ZNF791: variants seen among roughly 807,000 people sequenced by gnomAD.
ZNF791 encodes zinc finger protein 791.
Under a neutral mutation model 11.5 loss-of-function variants are expected in ZNF791, and 4 were observed. That is an observed-to-expected ratio of 0.35 (90% CI 0.17 to 0.80). ZNF791 has a LOEUF of 0.80. Ranked by LOEUF, ZNF791 falls within the 30% of genes least tolerant of loss-of-function variation. The pLI, the probability that ZNF791 is intolerant of heterozygous loss-of-function variation, is 0.53. For missense variants in ZNF791, 559 were observed against 699.4 expected (o/e 0.80, Z 2.26); for synonymous variants, 212 against 228.1 (o/e 0.93, Z 0.64).
chr19:12,617,317 G>A (rs1476169950), intron 1 of ZNF791, among the ~76,000 whole-genome samples: 2 of 151,618 alleles, frequency 1.3e-5, no homozygotes, highest in East Asian at 1.9e-4. Context: ...GTAGAGATGG[G>A]GTTTCACCAT....
At chr19:12,612,243 T>A in intron 1 of ZNF791, 1 of 569,892 alleles carries the variant, frequency 1.8e-6, no homozygotes, top group Non-Finnish European at 2.2e-6. Flanking sequence ...CTGGCTGTGT[T>A]GCTCAGGCTG....
At position 12,628,453 on chromosome 19, in the gene ZNF791, C is replaced by T. The variant is rs2023459423; in HGVS notation, c.924C>T (p.Ala308=). The T allele has an allele frequency of 6.2e-7, 1 of 1,612,032 alleles. No homozygotes were observed. The highest frequency in any genetic ancestry group is 8.5e-7 in the Non-Finnish European group (1 of 1,178,996). ...KPYKCKQCGK[A]FRCSTSIQIH... is the part of the protein sequence containing the mutation. ...ATAAATGTAAACAATGTGGTAAAGCCTTCAGATGTTCCACCTCCATTCAAA... is the reference window on the plus strand; with the variant it reads ...ATAAATGTAAACAATGTGGTAAAGCTTTCAGATGTTCCACCTCCATTCAAA... The change falls in exon 4 of 4, where the codon GCC becomes GCT. Residue 308 remains alanine (A), a synonymous_variant. Transcript: ENST00000343325.
chr19:12,630,762 T>C lies in ZNF791; in HGVS notation c.*1502T>C, dbSNP rs2023493546. ...CACTAATGTGTGTTTGTGTCTTAGT[T>C]AGTCTTTAACAAAAATAGTTTAAAA... is the stretch of plus-strand genomic sequence containing the variant. On this transcript the variant is annotated 3_prime_UTR_variant, in exon 4 of 4. Coordinates refer to ENST00000343325, the MANE Select transcript of ZNF791 (RefSeq NM_153358.3). 6.6e-6 allele frequency: 1 copy of C among 152,190 alleles called. No individual in the cohort carries two copies. The highest frequency in any genetic ancestry group is 2.1e-4 in the South Asian group (1 of 4,832). 9.4% of individuals were successfully genotyped at this position (152,190 alleles called of 1,614,324 possible). A position where few individuals can be genotyped will look rare whatever the true frequency, so the allele number is the denominator to read the frequency against.
chr19:12,615,760 C>T (rs2023237087), intron 1 of ZNF791, among the ~76,000 whole-genome samples: 2 of 118,332 alleles, frequency 1.7e-5, no homozygotes, highest in Middle Eastern at 6.3e-3. Context: ...GCCTGGGCAA[C>T]AAGAGCAAGA....
In ZNF791 at chr19:12,610,936, A is replaced by T; in HGVS notation, c.-144A>T. 8.7e-7 allele frequency: 1 copy of T among 1,154,728 alleles called. No homozygotes were observed. The highest frequency in any genetic ancestry group is 1.3e-6 in the Non-Finnish European group (1 of 775,330). The allele number at this position is 1,154,728 out of a possible 1,614,324, so 71.5% of individuals were successfully genotyped here. On this transcript the variant is annotated 5_prime_UTR_variant, in exon 1 of 4. Transcript: ENST00000343325. ...ACGCTGCGCAAATGCGTGCTACGTC[A>T]CTGTGCGATCGGGTTGTGCTTAGCT... is the stretch of plus-strand genomic sequence containing the variant.
At position 12,630,677 on chromosome 19, in the gene ZNF791, G is replaced by A. The variant is rs757250037; in HGVS notation, c.*1417G>A. Reference sequence around the variant, plus strand: ...GGACTGCCCCTGAACGTATTCTGGCGGGACAAAACATGGAGGCAGAAGACA... The same window carrying A: ...GGACTGCCCCTGAACGTATTCTGGCAGGACAAAACATGGAGGCAGAAGACA... On this transcript the variant is annotated 3_prime_UTR_variant, in exon 4 of 4. Coordinates refer to ENST00000343325, the MANE Select transcript of ZNF791 (RefSeq NM_153358.3). 2.6e-5 allele frequency: 4 copies of A among 152,034 alleles called. No homozygotes were observed. Among genetic ancestry groups the A allele is most frequent in the East Asian group, 1.9e-4 (1 of 5,182 alleles). 9.4% of individuals were successfully genotyped at this position (152,034 alleles called of 1,614,324 possible).
At chr19:12,619,383 G>C (rs576968497) in intron 1 of ZNF791, among the ~76,000 whole-genome samples, 7 of 150,714 alleles carry the variant, frequency 4.6e-5, no homozygotes, top group African/African-American at 1.7e-4. Context: ...GTGGTGGAGT[G>C]TATCAGTTGA....
intron 2 of ZNF791, 29 bp from the exon 3 acceptor site, chr19:12,624,621 A>T (rs753549412): frequency 3.3e-6 from 5 of 1,518,532 alleles, no homozygotes; most frequent in Non-Finnish European, 4.5e-6. Context: ...TTAATAATTT[A>T]TCATGATTAT....
In ZNF791 at chr19:12,611,036, C is replaced by T; in HGVS notation, c.-44C>T. 2 of 1,614,050 alleles carry T rather than the reference C, an allele frequency of 1.2e-6. No homozygotes were observed. The highest frequency in any genetic ancestry group is 1.1e-5 in the South Asian group (1 of 91,084). ...GATGCGCTGTACCCTGCGCTGGCTC[C>T]GTGAACCTTAGGGACAACACCGGGA... On this transcript the variant is annotated 5_prime_UTR_variant, in exon 1 of 4. Transcript: ENST00000343325.
chr19:12,622,450 C>G (rs1599324722), intron 1 of ZNF791, among the ~76,000 whole-genome samples: 1 of 130,550 alleles, frequency 7.7e-6, no homozygotes, highest in Non-Finnish European at 1.6e-5. Context: ...CTCATTTAAT[C>G]CCATATCTTA....
At chr19:12,612,457 T>A (rs1240978083) in intron 1 of ZNF791, 1 of 150,764 alleles carries the variant, frequency 6.6e-6, no homozygotes, top group Admixed American at 6.6e-5. Flanking sequence ...TTACTTTTTT[T>A]TTTGAGACGG....
chr19:12,613,392 T>C (rs1014434813), intron 1 of ZNF791, among the ~76,000 whole-genome samples: 9 of 151,840 alleles, frequency 5.9e-5, no homozygotes, highest in East Asian at 4.0e-4. Flanking sequence ...CCATCCTGGC[T>C]AACATTGTGA....
chr19:12,625,052 A>T (rs533927025), intron 3 of ZNF791, among the ~76,000 whole-genome samples: 2 of 152,076 alleles, frequency 1.3e-5, no homozygotes, highest in African/African-American at 4.8e-5. Flanking sequence ...TCTGTCTCAA[A>T]AAAAAAAAGA....
intron 1 of ZNF791, among the ~76,000 whole-genome samples, chr19:12,618,695 G>A (rs1343792891): frequency 6.6e-6 from 1 of 151,232 alleles, no homozygotes; most frequent in South Asian, 2.1e-4. Flanking sequence ...CCCGGGAGGC[G>A]GAGGCTGCAG....
intron 1 of ZNF791, among the ~76,000 whole-genome samples, chr19:12,620,827 C>T (rs1028407068): frequency 1.5e-5 from 2 of 131,364 alleles, no homozygotes; most frequent in African/African-American, 5.8e-5. Flanking sequence ...GTGGTGCGAT[C>T]TTGGCTCACT....
At chr19:12,622,867 C>T (rs1015944145) in intron 1 of ZNF791, among the ~76,000 whole-genome samples, 4 of 141,822 alleles carry the variant, frequency 2.8e-5, no homozygotes, top group Non-Finnish European at 6.0e-5. Flanking sequence ...GCACTCCTGC[C>T]TGGGTTACAG....
At chr19:12,624,061 G>C (rs1242705895) in intron 2 of ZNF791, among the ~76,000 whole-genome samples, 1 of 150,654 alleles carries the variant, frequency 6.6e-6, no homozygotes, top group African/African-American at 2.4e-5. Context: ...TCACCATGTT[G>C]GTCAGGCTGG....
In ZNF791 at chr19:12,630,957, T is replaced by C. The variant is rs564986385; in HGVS notation, c.*1697T>C. 3.3e-4 allele frequency: 50 copies of C among 152,320 alleles called. No individual in the cohort carries two copies. The East Asian group carries it at 5.8e-3, about 18-fold the overall frequency. The allele number at this position is 152,320 out of a possible 1,614,324, so 9.4% of individuals were successfully genotyped here. On this transcript the variant is annotated 3_prime_UTR_variant, in exon 4 of 4. Transcript: ENST00000343325. Reference sequence around the variant, plus strand: ...ATTGAGGAAAAAATGTTTTTATGAATGTAGTGTAGTCCAAGTGTACAGTGT... The same window carrying C: ...ATTGAGGAAAAAATGTTTTTATGAACGTAGTGTAGTCCAAGTGTACAGTGT...
chr19:12,622,407 C>CAAAAA (rs1410283346), intron 1 of ZNF791, among the ~76,000 whole-genome samples: 1 of 28,028 alleles, frequency 3.6e-5, no homozygotes, highest in Non-Finnish European at 8.3e-5. Context: ...AAGACTGTCT[C>CAAAAA]AAACAAAAAA....
Sources: allele counts gnomAD v4.1 joint callset (sites outside exome capture counted in the v4.1 genomes callset), GRCh38; gene constraint gnomAD v4.1.1; transcripts MANE v1.5; gene names NCBI Gene and HGNC (gene_info 2026-07-23, HGNC 2026-07-21).